NEK11: variants seen among roughly 807,000 people sequenced by gnomAD.
NEK11 encodes serine/threonine-protein kinase Nek11.
A neutral mutation model predicts 80.7 loss-of-function variants in NEK11; 72 were observed. The observed-to-expected ratio is 0.89, with a 90% CI of 0.74 to 1.08. The LOEUF (loss-of-function observed/expected upper bound fraction) is 1.08. NEK11 is among the 50% of genes least tolerant of loss of function. The pLI is 0.00. For missense variants in NEK11, 764 were observed against 763.6 expected (o/e 1.00, Z -0.01); for synonymous variants, 251 against 260.7 (o/e 0.96, Z 0.36).
Position 131,295,853 on chromosome 3 carries a change from T to A in NEK11, c.1718+22279T>A, listed in dbSNP as rs1456611531. 2.6e-5 allele frequency among the ~76,000 whole-genome samples: 4 copies of A among 152,272 alleles called. No homozygotes were observed. The East Asian group carries it at 5.8e-4, about 22-fold the overall frequency. On this transcript the variant is annotated intron_variant, in intron 17 of 17. Transcript: ENST00000383366. ...CTTTCCTTTTTAAATTAAATTTAAA[T>A]TTTTTTGAGAAAGGGTCTCATCTGT...
intron 17 of NEK11, among the ~76,000 whole-genome samples, chr3:131,283,334 T>C (rs2096427136): frequency 6.6e-6 from 1 of 152,172 alleles, no homozygotes; most frequent in Non-Finnish European, 1.5e-5. Context: ...ACAAACCAAC[T>C]CACCTTAGAG....
Position 131,029,601 on chromosome 3 carries a change from T to C in NEK11, c.-96-12T>C, listed in dbSNP as rs1343555124. 1.2e-5 allele frequency: 13 copies of C among 1,125,546 alleles called. No homozygotes were observed. Among genetic ancestry groups the C allele is most frequent in the Non-Finnish European group, 1.7e-5 (13 of 781,882 alleles). The allele number at this position is 1,125,546 out of a possible 1,614,324, so 69.7% of individuals were successfully genotyped here. A position where few individuals can be genotyped will look rare whatever the true frequency, so the allele number is the denominator to read the frequency against. ...ACCTTTAGACCTGATCTTTTAACTTTTCATCTTTAAGGAACTGACCAACAC... is the reference window on the plus strand; with the variant it reads ...ACCTTTAGACCTGATCTTTTAACTTCTCATCTTTAAGGAACTGACCAACAC... On this transcript the variant is annotated splice_polypyrimidine_tract_variant and intron_variant, in intron 2 of 17. Transcript: ENST00000383366.
chr3:131,320,965 C>A (rs2096891552), intron 17 of NEK11, among the ~76,000 whole-genome samples: 1 of 151,976 alleles, frequency 6.6e-6, no homozygotes, highest in East Asian at 1.9e-4. Flanking sequence ...TATCAAATGA[C>A]CAACAGAATT....
chr3:131,029,887 A>T lies in NEK11; in HGVS notation c.170+9A>T. The T allele has an allele frequency of 6.2e-7, 1 of 1,613,686 alleles. No homozygotes were observed. The highest frequency in any genetic ancestry group is 8.5e-7 in the Non-Finnish European group (1 of 1,179,700). On this transcript the variant is annotated intron_variant, in intron 3 of 17. Coordinates refer to ENST00000383366, the MANE Select transcript of NEK11 (RefSeq NM_024800.5). ...AAACGAGGAGAGGAATTGTAAGTAA[A>T]AATGCTTCCTATGAATCTTGAGTAG...
chr3:131,197,855 C>T (rs1189219344), intron 14 of NEK11, among the ~76,000 whole-genome samples: 1 of 152,068 alleles, frequency 6.6e-6, no homozygotes, highest in African/African-American at 2.4e-5. Context: ...TGCCTTGCAG[C>T]TCTTTTGACT....
intron 7 of NEK11, among the ~76,000 whole-genome samples, chr3:131,147,114 A>G (rs140144496): frequency 6.6e-6 from 1 of 152,084 alleles, no homozygotes; most frequent in East Asian, 1.9e-4. Context: ...CTCCAAGATC[A>G]TGAAGATATT....
At chr3:131,051,266 T>C (rs1197937129) in intron 3 of NEK11, among the ~76,000 whole-genome samples, 4 of 152,222 alleles carry the variant, frequency 2.6e-5, no homozygotes, top group Non-Finnish European at 4.4e-5. Flanking sequence ...TTGGACACTC[T>C]GGCACTGAGG....
intron 14 of NEK11, among the ~76,000 whole-genome samples, chr3:131,220,678 A>C (rs934866011): frequency 2.0e-5 from 3 of 152,184 alleles, no homozygotes; most frequent in African/African-American, 7.2e-5. Context: ...CCTTCTGCTG[A>C]GGGCTCCCAC....
chr3:131,139,327 A>G (rs2086324042), intron 7 of NEK11, among the ~76,000 whole-genome samples: 1 of 149,802 alleles, frequency 6.7e-6, no homozygotes, highest in Non-Finnish European at 1.5e-5. Context: ...TGGAAAATAC[A>G]CAGTCAGAGG....
chr3:131,266,920 A>C (rs2096070137), intron 16 of NEK11, among the ~76,000 whole-genome samples: 1 of 152,158 alleles, frequency 6.6e-6, no homozygotes, highest in South Asian at 2.1e-4. Context: ...TTCTTGTTGC[A>C]TTGATCCCTT....
At chr3:131,194,391 C>G (rs1336142049) in intron 14 of NEK11, among the ~76,000 whole-genome samples, 4 of 152,014 alleles carry the variant, frequency 2.6e-5, no homozygotes, top group African/African-American at 9.7e-5. Context: ...TATATATATG[C>G]ACCTCTTCCA....
rs186372982 is a variant in NEK11, at chr3:131,216,489, T to C, written c.1400-12039T>C. Among the ~76,000 whole-genome samples the C allele has an allele frequency of 9.8e-5, 15 of 152,344 alleles. No individual in the cohort carries two copies. The East Asian group carries it at 2.7e-3, about 27-fold the overall frequency. On this transcript the variant is annotated intron_variant, in intron 14 of 17. Transcript: ENST00000383366. ...TGTAAGACATGATGCCAATGGAAGA[T>C]AGGAGATGATTGCAGAGCTGAGTGT...
At chr3:131,042,399 G>A (rs2066650344) in intron 3 of NEK11, among the ~76,000 whole-genome samples, 1 of 152,212 alleles carries the variant, frequency 6.6e-6, no homozygotes, top group East Asian at 1.9e-4. Context: ...GTCTGAGGTC[G>A]ACCTGGGATG....
chr3:131,090,702 T>C (rs1382001287), intron 4 of NEK11, among the ~76,000 whole-genome samples: 1 of 152,212 alleles, frequency 6.6e-6, no homozygotes, highest in African/African-American at 2.4e-5. Context: ...ATTTGTTGTG[T>C]CTAAATCTTT....
Position 131,151,874 on chromosome 3 carries a change from T to C in NEK11, c.648-514T>C, listed in dbSNP as rs910193965. Among the ~76,000 whole-genome samples the C allele has an allele frequency of 1.9e-4, 29 of 152,300 alleles. 1 individual carries two copies. Among genetic ancestry groups the C allele is most frequent in the Admixed American group, 3.9e-4 (6 of 15,304 alleles). On this transcript the variant is annotated intron_variant, in intron 7 of 17. Coordinates refer to ENST00000383366, the MANE Select transcript of NEK11 (RefSeq NM_024800.5). ...TAATGTGGGCTTCAAGTAGCTGCTCTTCCACTCCACTTGCAAATGGATTAT... is the reference window on the plus strand; with the variant it reads ...TAATGTGGGCTTCAAGTAGCTGCTCCTCCACTCCACTTGCAAATGGATTAT...
intron 15 of NEK11, among the ~76,000 whole-genome samples, chr3:131,237,913 C>T (rs574778892): frequency 2.6e-5 from 4 of 152,298 alleles, no homozygotes; most frequent in South Asian, 2.1e-4. Flanking sequence ...ATCACCTTGT[C>T]GTAGCTTCTT....
At chr3:131,282,403 T>A (rs781478840) in intron 17 of NEK11, among the ~76,000 whole-genome samples, 1 of 104,310 alleles carries the variant, frequency 9.6e-6, no homozygotes, top group African/African-American at 8.5e-5. Context: ...TAAGGTGATC[T>A]TCTTCATAGA....
chr3:131,261,249 A>G (rs552919757), intron 16 of NEK11, among the ~76,000 whole-genome samples: 2 of 152,326 alleles, frequency 1.3e-5, no homozygotes, highest in Non-Finnish European at 2.9e-5. Context: ...ACAGCATCCA[A>G]TTGCCAAATG....
chr3:131,326,522 T>TTGTATGACTCATC (rs2096969225), intron 17 of NEK11, among the ~76,000 whole-genome samples: 1 of 152,222 alleles, frequency 6.6e-6, no homozygotes, highest in Non-Finnish European at 1.5e-5. Flanking sequence ...AAGTCTTGGC[T>TTGTATGACTCATC]TGTATGACTC....
Sources: allele counts gnomAD v4.1 joint callset (sites outside exome capture counted in the v4.1 genomes callset), GRCh38; gene constraint gnomAD v4.1.1; transcripts MANE v1.5; gene names NCBI Gene and HGNC (gene_info 2026-07-23, HGNC 2026-07-21).